The following HSD17B12 variants were observed in gnomAD, a reference collection of about 807,000 sequenced individuals.
HSD17B12 encodes the protein very-long-chain 3-oxoacyl-CoA reductase.
In HSD17B12, 32 loss-of-function variants were observed where a neutral mutation model predicts 39.3. That is an observed-to-expected ratio of 0.81 (90% CI 0.61 to 1.09). The LOEUF is 1.09. Ranked by LOEUF, HSD17B12 falls within the 50% of genes least tolerant of loss-of-function variation. HSD17B12 has a pLI of 0.00. For missense variants in HSD17B12, 342 were observed against 382.9 expected (o/e 0.89, Z 0.89); for synonymous variants, 150 against 146.7 (o/e 1.02, Z -0.16).
intron 1 of HSD17B12, among the ~76,000 whole-genome samples, chr11:43,686,611 TTC>T (rs1491484929): frequency 1.3e-5 from 2 of 151,320 alleles, no homozygotes; most frequent in Non-Finnish European, 2.9e-5. Flanking sequence ...TTTTTTTTTT[TTC>T]CTGTTCTTTC....
chr11:43,588,196 T>C, the HSD17B12 span, among the ~76,000 whole-genome samples: 1 of 152,182 alleles, frequency 6.6e-6, no homozygotes, highest in African/African-American at 2.4e-5. Context: ...ACTGATCAGC[T>C]ACTAAAAAAA....
intron 1 of HSD17B12, among the ~76,000 whole-genome samples, chr11:43,740,664 A>G (rs1165881975): frequency 2.0e-5 from 3 of 152,198 alleles, no homozygotes; most frequent in African/African-American, 7.2e-5. Context: ...TTTAGAATTG[A>G]CTAGATGAAG....
intron 1 of HSD17B12, among the ~76,000 whole-genome samples, chr11:43,703,885 T>G (rs922189200): frequency 6.6e-6 from 1 of 152,220 alleles, no homozygotes; most frequent in Non-Finnish European, 1.5e-5. Flanking sequence ...TTGTATTTTT[T>G]TTCCATTTCC....
the HSD17B12 span, among the ~76,000 whole-genome samples, chr11:43,624,897 A>T: frequency 1.3e-5 from 2 of 151,820 alleles, no homozygotes; most frequent in African/African-American, 2.4e-5. Context: ...TCCTAACAGA[A>T]AATTAGAAGC....
intron 9 of HSD17B12, among the ~76,000 whole-genome samples, chr11:43,841,413 A>G (rs1014770086): frequency 3.3e-5 from 5 of 152,142 alleles, no homozygotes; most frequent in African/African-American, 1.2e-4. Flanking sequence ...CAGTTTATCT[A>G]TTTTTTATTT....
chr11:43,854,715 A>G lies in HSD17B12; in HGVS notation c.685A>G (p.Ser229Gly). Residue 229 changes from serine (S) to glycine (G), a missense_variant and splice_region_variant, in exon 10 of 11, where the codon AGT (serine) becomes GGT (glycine). Transcript: ENST00000278353. ...TCTGGGGTGGGTGTTCCCTTTCTAGAGTGTCCTGCCATACTTCGTAGCTAC... is the reference window on the plus strand; with the variant it reads ...TCTGGGGTGGGTGTTCCCTTTCTAGGGTGTCCTGCCATACTTCGTAGCTAC... The part of the protein sequence containing the change: ...EYRSKGVFVQ[S>G]VLPYFVATKL... 1.2e-6 allele frequency: 2 copies of G among 1,613,250 alleles called. No individual in the cohort carries two copies. The highest frequency in any genetic ancestry group is 1.7e-6 in the Non-Finnish European group (2 of 1,179,926).
chr11:43,573,895 G>A, the HSD17B12 span, among the ~76,000 whole-genome samples: 1 of 152,194 alleles, frequency 6.6e-6, no homozygotes, highest in Non-Finnish European at 1.5e-5. Context: ...AACACTGCCG[G>A]CGTCTCCTGT....
intron 3 of HSD17B12, among the ~76,000 whole-genome samples, chr11:43,796,451 C>G (rs1950917310): frequency 6.6e-6 from 1 of 152,148 alleles, no homozygotes; most frequent in African/African-American, 2.4e-5. Context: ...TCTGGGAAAT[C>G]TAGGTATGAG....
At chr11:43,794,351 G>A (rs752346376) in intron 3 of HSD17B12, among the ~76,000 whole-genome samples, 6 of 152,134 alleles carry the variant, frequency 3.9e-5, no homozygotes, top group African/African-American at 4.8e-5. Context: ...TGGAGAGCCC[G>A]GAGGGAATGC....
At chr11:43,826,778 C>CT (rs1198218262) in intron 6 of HSD17B12, among the ~76,000 whole-genome samples, 3 of 152,088 alleles carry the variant, frequency 2.0e-5, no homozygotes, top group African/African-American at 4.8e-5. Context: ...AAGTTGTGTT[C>CT]TTTTTTACCG....
At chr11:43,581,910 A>G in the HSD17B12 span, among the ~76,000 whole-genome samples, 36 of 152,216 alleles carry the variant, frequency 2.4e-4, no homozygotes, top group African/African-American at 8.4e-4. The surrounding 1 kb of genome is among the most constrained non-coding windows in gnomAD (Gnocchi z 4.9). Flanking sequence ...GTCATTTTTG[A>G]CCGTAATGAT....
chr11:43,664,222 T>C, the HSD17B12 span, among the ~76,000 whole-genome samples: 1,823 of 152,248 alleles, frequency 0.012, 19 homozygotes, highest in African/African-American at 0.031. Flanking sequence ...AGGTTATACA[T>C]TGGTTTGGCC....
At chr11:43,667,549 A>G in the HSD17B12 span, among the ~76,000 whole-genome samples, 1 of 152,174 alleles carries the variant, frequency 6.6e-6, no homozygotes, top group Non-Finnish European at 1.5e-5. Context: ...CGGATCGGGT[A>G]TCCTTTATCC....
intron 1 of HSD17B12, among the ~76,000 whole-genome samples, chr11:43,696,217 G>A (rs771027586): frequency 1.1e-4 from 17 of 152,050 alleles, no homozygotes; most frequent in Non-Finnish European, 2.4e-4. Flanking sequence ...TCATTGTGTG[G>A]TGATTATATG....
At chr11:43,616,407 T>TA in the HSD17B12 span, among the ~76,000 whole-genome samples, 525 of 63,314 alleles carry the variant, frequency 8.3e-3, 28 homozygotes, top group African/African-American at 0.02. Context: ...AGACTCCATC[T>TA]AAAAAAAAAA....
At chr11:43,677,594 C>T (rs975143553), upstream of HSD17B12, among the ~76,000 whole-genome samples, 1 of 152,150 alleles carries the variant, frequency 6.6e-6, no homozygotes, top group Non-Finnish European at 1.5e-5. Context: ...CTCCCCACCC[C>T]CCCACCACCC....
At chr11:43,645,287 T>C in the HSD17B12 span, 1 of 152,246 alleles carries the variant, frequency 6.6e-6, no homozygotes, top group Non-Finnish European at 1.5e-5. Context: ...TCTGCCACAA[T>C]GTACTGCTCC....
intron 1 of HSD17B12, among the ~76,000 whole-genome samples, chr11:43,692,618 A>G (rs1298578461): frequency 6.6e-6 from 1 of 152,214 alleles, no homozygotes; most frequent in Middle Eastern, 3.2e-3. Flanking sequence ...AGTAAGAAAG[A>G]TTTCTCCAAT....
chr11:43,702,935 T>C (rs540641744), intron 1 of HSD17B12, among the ~76,000 whole-genome samples: 17 of 152,356 alleles, frequency 1.1e-4, no homozygotes, highest in African/African-American at 3.6e-4. Context: ...TCTGTTCTAA[T>C]GTATCATTGA....
Sources: allele counts gnomAD v4.1 joint callset (sites outside exome capture counted in the v4.1 genomes callset), GRCh38; gene constraint gnomAD v4.1.1; non-coding constraint Gnocchi (gnomAD v3.1); transcripts MANE v1.5; gene names NCBI Gene and HGNC (gene_info 2026-07-23, HGNC 2026-07-21).